The following CTBP2 variants were observed in gnomAD, a reference collection of about 807,000 sequenced individuals.
CTBP2 encodes C-terminal-binding protein 2.
In CTBP2, 30 loss-of-function variants were observed where a neutral mutation model predicts 80.3. That is an observed-to-expected ratio of 0.37 (90% CI 0.28 to 0.51). The LOEUF (loss-of-function observed/expected upper bound fraction) is 0.51. Among genes scored for constraint, CTBP2 ranks in the 20% least tolerant of loss-of-function variants. The pLI, the probability that CTBP2 is intolerant of heterozygous loss-of-function variation, is 0.93. For synonymous variants in CTBP2, 594 were observed against 587.4 expected (o/e 1.01, Z -0.16); for missense variants, 1,212 against 1,375.3 (o/e 0.88, Z 1.88).
chr10:125,114,925 G>A (rs1307750302), intron 1 of CTBP2, among the ~76,000 whole-genome samples: 2 of 152,056 alleles, frequency 1.3e-5, no homozygotes, highest in African/African-American at 4.8e-5. Flanking sequence ...TCTGCAGGAG[G>A]GATTTCTAGT....
intron 2 of CTBP2, among the ~76,000 whole-genome samples, chr10:125,099,560 T>C (rs1173373522): frequency 6.6e-6 from 1 of 152,202 alleles, no homozygotes; most frequent in Non-Finnish European, 1.5e-5. Flanking sequence ...AGGGGGCAGC[T>C]TTCAAAGGGT....
chr10:124,994,429 C>G (rs1330535970), intron 5 of CTBP2, 40 bp downstream of exon 7: 1 of 1,601,418 alleles, frequency 6.2e-7, no homozygotes, highest in East Asian at 2.2e-5. Flanking sequence ...GTGCTACCAC[C>G]TTTCGACAGA....
intron 1 of CTBP2, among the ~76,000 whole-genome samples, chr10:125,134,931 A>G (rs1165087757): frequency 6.9e-6 from 1 of 145,934 alleles, no homozygotes; most frequent in African/African-American, 2.5e-5. Flanking sequence ...AATAATACTA[A>G]AACCCACGTT....
chr10:125,115,057 G>A (rs1419227734), intron 1 of CTBP2, among the ~76,000 whole-genome samples: 2 of 152,120 alleles, frequency 1.3e-5, no homozygotes, highest in Admixed American at 6.5e-5. Context: ...CGTGGATGGC[G>A]AAGGATTCAT....
intron 8 of CTBP2, 83 bp from the exon 11 acceptor site, chr10:124,989,781 TAA>T: frequency 7.5e-7 from 1 of 1,336,874 alleles, no homozygotes; most frequent in East Asian, 2.5e-5. Flanking sequence ...GGCCTTTTCA[TAA>T]GAGACAGGAG....
At chr10:124,998,433 T>C (rs543675182) in intron 3 of CTBP2, 3 of 498,342 alleles carry the variant, frequency 6.0e-6, no homozygotes, top group East Asian at 3.7e-5. Context: ...CCAACTCCTA[T>C]GGCTGATTTT....
At chr10:125,029,181 A>G (rs1000288203), upstream of CTBP2, among the ~76,000 whole-genome samples, 1 of 152,056 alleles carries the variant, frequency 6.6e-6, no homozygotes, top group African/African-American at 2.4e-5. Context: ...CTCTCAATCT[A>G]GCACTCTACT....
intron 1 of CTBP2, among the ~76,000 whole-genome samples, chr10:125,007,821 G>C (rs756963033): frequency 4.6e-5 from 7 of 152,134 alleles, no homozygotes; most frequent in Non-Finnish European, 1.0e-4. Flanking sequence ...GATCTAAATG[G>C]GTTTCTGTTG....
At chr10:125,153,200 T>C (rs570052440) in intron 1 of CTBP2, among the ~76,000 whole-genome samples, 9 of 152,340 alleles carry the variant, frequency 5.9e-5, no homozygotes, top group Non-Finnish European at 1.2e-4. Flanking sequence ...AGGCTGAACA[T>C]TCTCAGTTCC....
intron 7 of CTBP2, 135 bp from the exon 10 acceptor site, chr10:124,992,947 G>C: frequency 1.2e-6 from 1 of 852,316 alleles, no homozygotes. Flanking sequence ...AAGTGCTTGA[G>C]CTCTTCAACA....
chr10:125,042,632 T>G (rs1029688694), intron 2 of CTBP2, among the ~76,000 whole-genome samples: 1 of 152,066 alleles, frequency 6.6e-6, no homozygotes, highest in South Asian at 2.1e-4. Context: ...GTCTGTAGAA[T>G]GGGATGTCAC....
At chr10:125,005,482 G>A in intron 1 of CTBP2, 1 of 1,488,886 alleles carries the variant, frequency 6.7e-7, no homozygotes, top group Non-Finnish European at 9.1e-7. Flanking sequence ...TTCTGCACCA[G>A]GAAAACAGGG....
chr10:125,152,445 C>A (rs1860160426), intron 1 of CTBP2, among the ~76,000 whole-genome samples: 1 of 152,204 alleles, frequency 6.6e-6, no homozygotes, highest in African/African-American at 2.4e-5. Context: ...GTTCCAGGCG[C>A]CCCAGGCCCC....
At chr10:125,088,535 T>C (rs763220908) in intron 2 of CTBP2, among the ~76,000 whole-genome samples, 3 of 152,186 alleles carry the variant, frequency 2.0e-5, no homozygotes, top group East Asian at 3.9e-4. Context: ...CCTCAGAGCA[T>C]GCCATTTATC....
At chr10:125,119,439 G>C (rs1386291887) in intron 1 of CTBP2, among the ~76,000 whole-genome samples, 1 of 152,238 alleles carries the variant, frequency 6.6e-6, no homozygotes, top group Non-Finnish European at 1.5e-5. Context: ...CTGGAAACCA[G>C]AGTAGGATAA....
At chr10:125,051,693 G>A (rs1962814570) in intron 2 of CTBP2, among the ~76,000 whole-genome samples, 1 of 151,178 alleles carries the variant, frequency 6.6e-6, no homozygotes, top group African/African-American at 2.4e-5. Context: ...TCAATTAAAT[G>A]CCCACAGGTC....
intron 3 of CTBP2, among the ~76,000 whole-genome samples, chr10:125,002,650 G>C (rs1355141388): frequency 6.6e-6 from 1 of 152,178 alleles, no homozygotes; most frequent in Non-Finnish European, 1.5e-5. Flanking sequence ...GTGGCCAGTC[G>C]CATTCTCCCC....
intron 1 of CTBP2, chr10:125,006,154 C>T (rs1330165692): frequency 6.9e-6 from 3 of 435,576 alleles, no homozygotes; most frequent in East Asian, 8.2e-5. Context: ...CCCTGATGGC[C>T]GGGCACGCAG....
At chr10:124,991,229 A>C (rs1441700587) in intron 8 of CTBP2, among the ~76,000 whole-genome samples, 4 of 152,226 alleles carry the variant, frequency 2.6e-5, no homozygotes, top group Non-Finnish European at 4.4e-5. Flanking sequence ...GTAGAGGAGG[A>C]GGCATCTCAC....
Sources: gnomAD v4.1 joint callset for allele counts (sites outside exome capture counted in the v4.1 genomes callset) on GRCh38, gnomAD v4.1.1 for gene constraint, MANE v1.5 for transcripts, NCBI Gene and HGNC (gene_info 2026-07-23, HGNC 2026-07-21) for gene names.